RAB36: variants seen among roughly 807,000 people sequenced by gnomAD.
RAB36 encodes the protein RAB36, member RAS oncogene family, also known as ras-related protein Rab-36.
Under a neutral mutation model 39.3 loss-of-function variants are expected in RAB36, and 33 were observed. The ratio of observed to expected loss-of-function variants is 0.84; its 90% CI spans 0.64 to 1.12. The LOEUF is 1.12. RAB36 is among the 50% of genes most tolerant of loss of function. The pLI is 0.00. For synonymous variants in RAB36, 133 were observed against 140.2 expected, an observed-to-expected ratio of 0.95 and a Z score of 0.36; for missense variants, 308 against 355.3, an observed-to-expected ratio of 0.87 and a Z score of 1.07.
At position 23,161,558 on chromosome 22, in the gene RAB36, C is replaced by T; in HGVS notation, c.798C>T (p.Cys266=). 6.2e-7 allele frequency: 1 copy of T among 1,610,312 alleles called. No homozygotes were observed. The change falls in exon 11 of 11, where the codon TGC becomes TGT. Residue 266 remains cysteine (C), a synonymous_variant. Transcript: ENST00000263116. ...QESKRPSSLG[C]C is the part of the protein sequence containing the mutation. Reference sequence around the variant, plus strand: ...GCAAGAGGCCCTCCAGCCTGGGCTGCTGCTAACTGGGGCCTGCGTGGAAGG... The same window carrying T: ...GCAAGAGGCCCTCCAGCCTGGGCTGTTGCTAACTGGGGCCTGCGTGGAAGG...
At chr22:23,153,258 G>T (rs552475822) in intron 5 of RAB36, 124 bp downstream of exon 5, 9 of 751,054 alleles carry the variant, frequency 1.2e-5, no homozygotes, top group Non-Finnish European at 1.8e-5. Context: ...GAGCCTGGGG[G>T]TGTTGTGTGA....
intron 5 of RAB36, among the ~76,000 whole-genome samples, chr22:23,154,661 T>G (rs2071358535): frequency 6.6e-6 from 1 of 152,214 alleles, no homozygotes; most frequent in Non-Finnish European, 1.5e-5. Context: ...CTGTCCTGGC[T>G]CAGCCTCTCA....
chr22:23,164,556 T>C lies in RAB36; in HGVS notation c.*2992T>C, dbSNP rs972474859. ...GCGCACCCTCACTTTGATGATTTAA[T>C]GAAGACATTTCCTTCTTTCCCAGCA... On this transcript the variant is annotated 3_prime_UTR_variant, in exon 11 of 11. Coordinates refer to ENST00000263116, the MANE Select transcript of RAB36 (RefSeq NM_004914.5). 1.3e-5 allele frequency among the ~76,000 whole-genome samples: 2 copies of C among 152,200 alleles called. No individual in the cohort carries two copies. The highest frequency in any genetic ancestry group is 4.8e-5 in the African/African-American group (2 of 41,448).
At chr22:23,160,831 G>A (rs370454421) in intron 9 of RAB36, 48 bp from the exon 10 acceptor site, 1 of 1,589,938 alleles carries the variant, frequency 6.3e-7, no homozygotes, top group African/African-American at 1.3e-5. Flanking sequence ...TGCATTAAGG[G>A]GCAAGGAGAA....
At chr22:23,161,376 A>G in intron 10 of RAB36, 124 bp from the exon 11 acceptor site, 1 of 900,348 alleles carries the variant, frequency 1.1e-6, no homozygotes, top group Non-Finnish European at 1.8e-6. Context: ...CAGGCCATTC[A>G]GGCCTTGAAC....
chr22:23,166,375 A>G (rs2072052346), downstream of RAB36, among the ~76,000 whole-genome samples: 1 of 150,982 alleles, frequency 6.6e-6, no homozygotes, highest in Non-Finnish European at 1.5e-5. Context: ...GGTGGGGTGC[A>G]ATATAGGGAA....
intron 7 of RAB36, 150 bp from the exon 8 acceptor site, chr22:23,158,748 G>A (rs749256046): frequency 1.2e-5 from 8 of 690,080 alleles, no homozygotes; most frequent in Non-Finnish European, 2.0e-5. Context: ...TGGAGGTGCA[G>A]CATCCTGCTC....
intron 5 of RAB36, among the ~76,000 whole-genome samples, chr22:23,155,489 C>G (rs576282221): frequency 1.3e-5 from 2 of 152,340 alleles, no homozygotes; most frequent in African/African-American, 4.8e-5. Flanking sequence ...TCTCCAACTC[C>G]TACTTTGGGA....
intron 3 of RAB36, 54 bp from the exon 4 acceptor site, chr22:23,152,407 C>T: frequency 6.3e-7 from 1 of 1,588,096 alleles, no homozygotes; most frequent in Non-Finnish European, 8.6e-7. Context: ...CTGTGAGTGT[C>T]TGAAGACACC....
chr22:23,152,926 G>T, intron 4 of RAB36, 107 bp from the exon 5 acceptor site: 1 of 801,512 alleles, frequency 1.2e-6, no homozygotes, highest in East Asian at 2.4e-5. Context: ...ATCGCTTCCT[G>T]ATGGGAAGTG....
At chr22:23,168,719 A>AC (rs1394602231), downstream of RAB36, among the ~76,000 whole-genome samples, 2 of 151,720 alleles carry the variant, frequency 1.3e-5, no homozygotes, top group Non-Finnish European at 2.9e-5. Flanking sequence ...TTGTCCAGGC[A>AC]CCCCCTCAGT....
intron 6 of RAB36, among the ~76,000 whole-genome samples, chr22:23,157,332 G>C (rs1194215800): frequency 6.6e-6 from 1 of 151,638 alleles, no homozygotes; most frequent in African/African-American, 2.4e-5. Flanking sequence ...CTCACTGCAA[G>C]CTCCGCCTCC....
intron 6 of RAB36, 108 bp from the exon 7 acceptor site, chr22:23,157,884 G>A (rs1648200182): frequency 2.5e-6 from 4 of 1,579,234 alleles, no homozygotes; most frequent in Admixed American, 3.5e-5. Flanking sequence ...TGAGTGCCTG[G>A]TTGGGGGGCT....
rs11704365 is a variant in RAB36, at chr22:23,164,639, A to C, written c.*3075A>C. On this transcript the variant is annotated 3_prime_UTR_variant, in exon 11 of 11. Coordinates refer to ENST00000263116, the MANE Select transcript of RAB36 (RefSeq NM_004914.5). ...TCTGTTGGTCTGGTCTTGTGGGCCC[A>C]GGCAAGCAGCCCCCTGCAGCCAAGG... 0.22 allele frequency among the ~76,000 whole-genome samples: 34,173 copies of C among 152,126 alleles called. 7,220 individuals are homozygous for C. Among genetic ancestry groups the C allele is most frequent in the East Asian group, 0.56 (2,896 of 5,148 alleles).
At chr22:23,158,152 A>T in intron 7 of RAB36, 109 bp downstream of exon 7, 1 of 1,537,378 alleles carries the variant, frequency 6.5e-7, no homozygotes, top group African/African-American at 1.4e-5. Context: ...GGTGTGAGTG[A>T]CCAGGGCCCC....
Position 23,161,722 on chromosome 22 carries a change from A to C in RAB36, c.*158A>C. 4.7e-6 allele frequency: 3 copies of C among 642,280 alleles called. No homozygotes were observed. The highest frequency in any genetic ancestry group is 7.9e-6 in the Non-Finnish European group (3 of 378,172). 39.8% of individuals were successfully genotyped at this position (642,280 alleles called of 1,614,324 possible). A position where few individuals can be genotyped will look rare whatever the true frequency, so the allele number is the denominator to read the frequency against. On this transcript the variant is annotated 3_prime_UTR_variant, in exon 11 of 11. Transcript: ENST00000263116. ...CCACCCACCCACCGGGCTCAGCTCC[A>C]GGGCACAGTCACTTGTCCGTTGCAG... is the stretch of plus-strand genomic sequence containing the variant.
intron 3 of RAB36, 150 bp downstream of exon 3, chr22:23,150,304 CTTT>C (rs1209181462): frequency 2.6e-3 from 1,123 of 439,160 alleles, no homozygotes; most frequent in Middle Eastern, 3.9e-3. Context: ...TTTTTTTTTT[CTTT>C]TTTTTTTTTT....
At chr22:23,160,445 C>T (rs1433954507) in intron 9 of RAB36, among the ~76,000 whole-genome samples, 2 of 152,212 alleles carry the variant, frequency 1.3e-5, no homozygotes, top group Non-Finnish European at 2.9e-5. Context: ...ATAAAGGCTC[C>T]ATGTGGGGGC....
intron 9 of RAB36, 123 bp downstream of exon 9, chr22:23,159,376 C>T (rs755497907): frequency 2.7e-5 from 25 of 942,330 alleles, no homozygotes; most frequent in Non-Finnish European, 3.9e-5. Flanking sequence ...GGCCCTGGTG[C>T]ACACTGGCAT....
Sources: allele counts gnomAD v4.1 joint callset (sites outside exome capture counted in the v4.1 genomes callset), GRCh38; gene constraint gnomAD v4.1.1; transcripts MANE v1.5; gene names NCBI Gene and HGNC (gene_info 2026-07-23, HGNC 2026-07-21).